NRG1: variants seen among roughly 807,000 people sequenced by gnomAD.
The protein encoded by NRG1 is neuregulin 1.
A neutral mutation model predicts 63.8 loss-of-function variants in NRG1; 18 were observed. That is an observed-to-expected ratio of 0.28 (90% CI 0.19 to 0.42). The LOEUF is 0.42. Ranked by LOEUF, NRG1 falls within the 10% of genes least tolerant of loss-of-function variation. NRG1 has a pLI of 1.00. For synonymous variants in NRG1, 302 were observed against 301.3 expected, an observed-to-expected ratio of 1.00 and a Z score of -0.02; for missense variants, 762 against 814.7, an observed-to-expected ratio of 0.94 and a Z score of 0.79.
At chr8:31,791,455 G>T (rs4733274) in intron 1 of NRG1, among the ~76,000 whole-genome samples, 1 of 151,896 alleles carries the variant, frequency 6.6e-6, no homozygotes, top group African/African-American at 2.4e-5. Flanking sequence ...CTCCTATCAA[G>T]AATATTCTTT....
intron 5 of NRG1, among the ~76,000 whole-genome samples, chr8:32,654,080 G>A (rs1855750464): frequency 6.6e-6 from 1 of 152,072 alleles, no homozygotes; most frequent in South Asian, 2.1e-4. Context: ...CACTTCCTAA[G>A]TGAGAAAAGG....
chr8:32,447,084 GCTCACT>G (rs1820352687), intron 1 of NRG1, among the ~76,000 whole-genome samples: 1 of 151,702 alleles, frequency 6.6e-6, no homozygotes, highest in Admixed American at 6.6e-5. Flanking sequence ...CGCAGTCTCA[GCTCACT>G]GCAACCTCCA....
At chr8:32,286,385 T>C (rs1423298782) in intron 1 of NRG1, among the ~76,000 whole-genome samples, 1 of 152,212 alleles carries the variant, frequency 6.6e-6, no homozygotes, top group Non-Finnish European at 1.5e-5. Context: ...ATGGCCTCAC[T>C]CCTATGTTTT....
chr8:31,897,251 A>G (rs905964472), intron 1 of NRG1, among the ~76,000 whole-genome samples: 1 of 152,062 alleles, frequency 6.6e-6, no homozygotes, highest in African/African-American at 2.4e-5. Flanking sequence ...ATGCCTCAAT[A>G]TTCCCTCCTC....
intron 1 of NRG1, among the ~76,000 whole-genome samples, chr8:31,946,298 A>T (rs1226953044): frequency 6.6e-6 from 1 of 152,130 alleles, no homozygotes; most frequent in Non-Finnish European, 1.5e-5. Flanking sequence ...CTGTTTTAAA[A>T]CCTGTACTAT....
intron 1 of NRG1, among the ~76,000 whole-genome samples, chr8:31,916,771 A>T (rs1187512043): frequency 6.6e-6 from 1 of 151,970 alleles, no homozygotes; most frequent in Admixed American, 6.6e-5. Context: ...ATCCCTGAGG[A>T]ATCGCCACAC....
intron 1 of NRG1, among the ~76,000 whole-genome samples, chr8:31,891,318 T>C (rs538571523): frequency 1.2e-4 from 19 of 152,038 alleles, no homozygotes; most frequent in Non-Finnish European, 1.5e-4. Context: ...TTTTAGAAAA[T>C]GAACAAAAGA....
At chr8:32,248,846 T>G (rs1005626297) in intron 1 of NRG1, among the ~76,000 whole-genome samples, 5 of 152,224 alleles carry the variant, frequency 3.3e-5, no homozygotes, top group Admixed American at 6.6e-5. Context: ...AAAACAGCTA[T>G]TTTTACTAAA....
intron 1 of NRG1, among the ~76,000 whole-genome samples, chr8:31,837,006 T>G (rs1208942541): frequency 6.6e-6 from 1 of 152,114 alleles, no homozygotes; most frequent in African/African-American, 2.4e-5. Flanking sequence ...AAATGTACAT[T>G]TTTAAAAATT....
At chr8:32,349,824 C>T (rs1239576901) in intron 1 of NRG1, among the ~76,000 whole-genome samples, 3 of 152,192 alleles carry the variant, frequency 2.0e-5, no homozygotes, top group Middle Eastern at 3.2e-3. Context: ...CCCATGCTGA[C>T]ATTCCATATA....
At chr8:32,149,188 G>A (rs1342706284) in intron 1 of NRG1, among the ~76,000 whole-genome samples, 1 of 152,132 alleles carries the variant, frequency 6.6e-6, no homozygotes, top group African/African-American at 2.4e-5. Context: ...AAACATTGTA[G>A]TATAAGCCTT....
intron 7 of NRG1, chr8:32,749,978 A>G (rs1056938904): frequency 5.2e-6 from 1 of 192,882 alleles, no homozygotes; most frequent in Admixed American, 5.3e-5. Flanking sequence ...TTTTAAATCC[A>G]TCTGCTTAAA....
At chr8:31,836,255 TTA>T (rs951137218) in intron 1 of NRG1, among the ~76,000 whole-genome samples, 4 of 152,240 alleles carry the variant, frequency 2.6e-5, no homozygotes, top group African/African-American at 9.6e-5. Context: ...AAGACTTTGC[TTA>T]TATTTACAAA....
At chr8:32,126,317 G>C (rs773842962) in intron 1 of NRG1, among the ~76,000 whole-genome samples, 1 of 151,836 alleles carries the variant, frequency 6.6e-6, no homozygotes, top group Non-Finnish European at 1.5e-5. Flanking sequence ...CAACAACAAT[G>C]TCTTGACTTT....
At chr8:32,706,372 A>G (rs1434237577) in intron 5 of NRG1, among the ~76,000 whole-genome samples, 1 of 152,246 alleles carries the variant, frequency 6.6e-6, no homozygotes, top group Non-Finnish European at 1.5e-5. Context: ...GTAGCTGAGT[A>G]GGCAAACAAG....
chr8:32,046,404 T>A (rs1821004113), intron 1 of NRG1, among the ~76,000 whole-genome samples: 1 of 152,080 alleles, frequency 6.6e-6, no homozygotes, highest in Admixed American at 6.6e-5. Flanking sequence ...CTCAGAAAGG[T>A]GAACAAATGC....
chr8:32,751,143 A>G (rs549502077), intron 7 of NRG1: 1 of 152,356 alleles, frequency 6.6e-6, no homozygotes, highest in Admixed American at 6.5e-5. Flanking sequence ...GGGGGCTGCT[A>G]TCCGCATGCT....
chr8:32,747,732 G>GTGTGTATATATATATATATATATA (rs1264111970), intron 7 of NRG1, among the ~76,000 whole-genome samples: 2 of 132,120 alleles, frequency 1.5e-5, no homozygotes, highest in African/African-American at 5.9e-5. Flanking sequence ...ATGTGTGTGT[G>GTGTGTATATATATATATATATATA]TATATATATA....
intron 1 of NRG1, among the ~76,000 whole-genome samples, chr8:32,294,231 G>A (rs1022810230): frequency 6.6e-6 from 1 of 151,846 alleles, no homozygotes; most frequent in Non-Finnish European, 1.5e-5. Flanking sequence ...GCAGGTGTCC[G>A]AAACAATGGG....
Sources: allele counts gnomAD v4.1 joint callset (sites outside exome capture counted in the v4.1 genomes callset), GRCh38; gene constraint gnomAD v4.1.1; transcripts MANE v1.5; gene names NCBI Gene and HGNC (gene_info 2026-07-23, HGNC 2026-07-21).